The following ZMYND12 variants were observed in gnomAD, a reference collection of about 807,000 sequenced individuals.
The protein encoded by ZMYND12 is zinc finger MYND-type containing 12.
In ZMYND12, 32 loss-of-function variants were observed where a neutral mutation model predicts 41.7. The observed-to-expected ratio is 0.77, with a 90% CI of 0.58 to 1.03. The LOEUF (loss-of-function observed/expected upper bound fraction) is 1.03, where lower values mean the gene tolerates loss of function less well. Among genes scored for constraint, ZMYND12 ranks in the 50% least tolerant of loss-of-function variants. The pLI is 0.00. For missense variants in ZMYND12, 424 were observed against 438.5 expected, an observed-to-expected ratio of 0.97 and a Z score of 0.30; for synonymous variants, 148 against 164.8, an observed-to-expected ratio of 0.90 and a Z score of 0.78.
chr1:42,445,202 G>A (rs1643010652), intron 3 of ZMYND12, among the ~76,000 whole-genome samples: 1 of 151,690 alleles, frequency 6.6e-6, no homozygotes, highest in Non-Finnish European at 1.5e-5. Flanking sequence ...GAAGACTGAG[G>A]TGGGTGGATC....
At chr1:42,439,522 C>A (rs1296550115) in intron 4 of ZMYND12, among the ~76,000 whole-genome samples, 1 of 152,124 alleles carries the variant, frequency 6.6e-6, no homozygotes, top group Non-Finnish European at 1.5e-5. Flanking sequence ...CCTTGGCCTC[C>A]CAAAGTGCTG....
At chr1:42,437,660 ACAC>A (rs935535391) in intron 4 of ZMYND12, among the ~76,000 whole-genome samples, 2 of 149,844 alleles carry the variant, frequency 1.3e-5, no homozygotes, top group Non-Finnish European at 3.0e-5. Flanking sequence ...TGACAGGCAC[ACAC>A]CACCACACCT....
intron 7 of ZMYND12, 87 bp from the exon 8 acceptor site, chr1:42,430,945 TGA>T (rs1642842489): frequency 1.9e-6 from 3 of 1,560,584 alleles, no homozygotes; most frequent in Non-Finnish European, 2.6e-6. Flanking sequence ...TCCAGAAACA[TGA>T]GAGAGAACTG....
rs1236295847 is a variant in ZMYND12 at position 42,439,980 on chromosome 1, T to C, written c.470A>G (p.Gln157Arg). 1.9e-6 allele frequency: 3 copies of C among 1,613,672 alleles called. No homozygotes were observed. The African/African-American group carries it at 4.0e-5, about 22-fold the overall frequency. ...GTCAGTTGATTTGAGGACTGTCCAC[T>C]GGGCTTGGAATAGATATTCTTCAGC... is the stretch of plus-strand genomic sequence containing the variant. ...VQAEEYLFQAQWTVLKSTDCS... is the reference protein window; with the variant it reads ...VQAEEYLFQARWTVLKSTDCS... The change falls in exon 4 of 8, where the codon CAG (glutamine) becomes CGG (arginine). Residue 157 changes from glutamine (Q) to arginine (R), a missense_variant. Gln to Arg is a conservative substitution (Grantham distance 43, BLOSUM62 1). Coordinates refer to ENST00000372565, the MANE Select transcript of ZMYND12 (RefSeq NM_032257.5).
At chr1:42,442,565 C>T (rs1279466284) in intron 3 of ZMYND12, among the ~76,000 whole-genome samples, 3 of 152,112 alleles carry the variant, frequency 2.0e-5, no homozygotes, top group Non-Finnish European at 4.4e-5. Context: ...AAAGCCACTA[C>T]GTCAGTGTGC....
rs983635126 is a variant in ZMYND12, at chr1:42,430,499, T to C, written c.*237A>G. ...CATATTACTCAGTCATACAAAGTCA[T>C]GATAAATCAAGTACAAAGGTCATGA... On this transcript the variant is annotated 3_prime_UTR_variant, in exon 8 of 8. Transcript: ENST00000372565. 6.6e-6 allele frequency: 3 copies of C among 454,942 alleles called. No individual in the cohort carries two copies. Among genetic ancestry groups the C allele is most frequent in the Admixed American group, 6.6e-5 (2 of 30,126 alleles). 28.2% of individuals were successfully genotyped at this position (454,942 alleles called of 1,614,324 possible).
chr1:42,433,375 G>A, intron 6 of ZMYND12, 87 bp from the exon 7 acceptor site: 1 of 1,446,874 alleles, frequency 6.9e-7, no homozygotes. Context: ...AAAGCGCCTG[G>A]TCTGCTGAAG....
rs552247278 is a variant in ZMYND12, at chr1:42,452,624, AC to A, written c.111-2566del. Among the ~76,000 whole-genome samples the A allele has an allele frequency of 1.9e-3, 291 of 152,108 alleles. 4 individuals are homozygous for A. Among genetic ancestry groups the A allele is most frequent in the African/African-American group, 4.5e-3 (185 of 41,466 alleles). On this transcript the variant is annotated intron_variant, in intron 1 of 7. Transcript: ENST00000372565. ...AGGCTGAGGCAAGAGAATTGCTTGA[AC>A]CCGGGAGACAGAGGTTGCAGTGAGC...
chr1:42,452,352 A>G (rs1227488466), intron 1 of ZMYND12, among the ~76,000 whole-genome samples: 1 of 152,214 alleles, frequency 6.6e-6, no homozygotes, highest in African/African-American at 2.4e-5. Context: ...AATTCATGCA[A>G]ACCTATGGTA....
At chr1:42,449,061 A>C (rs1012968077) in intron 2 of ZMYND12, among the ~76,000 whole-genome samples, 1 of 152,214 alleles carries the variant, frequency 6.6e-6, no homozygotes, top group Non-Finnish European at 1.5e-5. Flanking sequence ...TGTTTAGCTA[A>C]TATCACAAAA....
At chr1:42,434,472 TAGGAATCGGGCTGCAC>T (rs1032797676) in intron 6 of ZMYND12, among the ~76,000 whole-genome samples, 8 of 151,990 alleles carry the variant, frequency 5.3e-5, no homozygotes, top group Non-Finnish European at 1.2e-4. Context: ...TGTGGCCTGT[TAGGAATCGGGCTGCAC>T]AGCAGGTGGT....
At position 42,453,622 on chromosome 1, in the gene ZMYND12, G is replaced by A. The variant is rs146523096; in HGVS notation, c.110+2266C>T. Among the ~76,000 whole-genome samples the A allele has an allele frequency of 2.3e-3, 344 of 152,298 alleles. 2 individuals carry two copies. The highest frequency in any genetic ancestry group is 7.9e-3 in the African/African-American group (327 of 41,560). ...TTCAGAGGAAGAAGGAATTACTTCC[G>A]GCTGGAGGGATACAGAGGACAGGGG... On this transcript the variant is annotated intron_variant, in intron 1 of 7. Coordinates refer to ENST00000372565, the MANE Select transcript of ZMYND12 (RefSeq NM_032257.5).
intron 3 of ZMYND12, among the ~76,000 whole-genome samples, chr1:42,446,647 G>T (rs1352896339): frequency 8.2e-6 from 1 of 122,114 alleles, no homozygotes; most frequent in Non-Finnish European, 1.8e-5. Context: ...GTGAGACTCG[G>T]TCTCAAAAAA....
At chr1:42,442,223 C>T (rs1281821841) in intron 3 of ZMYND12, among the ~76,000 whole-genome samples, 1 of 152,058 alleles carries the variant, frequency 6.6e-6, no homozygotes, top group Non-Finnish European at 1.5e-5. Context: ...TAGAAAGATC[C>T]TCTGGAACCA....
At chr1:42,453,493 C>T (rs1643108756) in intron 1 of ZMYND12, among the ~76,000 whole-genome samples, 2 of 152,154 alleles carry the variant, frequency 1.3e-5, no homozygotes, top group African/African-American at 4.8e-5. Flanking sequence ...GACATAGTAT[C>T]TAGCATTAAT....
intron 5 of ZMYND12, 101 bp from the exon 6 acceptor site, chr1:42,435,486 C>G: frequency 1.2e-6 from 1 of 869,290 alleles, no homozygotes; most frequent in Non-Finnish European, 1.9e-6. Flanking sequence ...TTCTGGACAA[C>G]CTGGAGGTTC....
intron 6 of ZMYND12, 101 bp downstream of exon 6, chr1:42,435,173 T>G (rs1001669048): frequency 2.3e-5 from 20 of 863,060 alleles, no homozygotes; most frequent in Middle Eastern, 2.3e-4. Context: ...GGCAATGGTG[T>G]GCTTCATGAC....
intron 1 of ZMYND12, 66 bp from the exon 2 acceptor site, chr1:42,450,125 C>T (rs1280070835): frequency 6.4e-7 from 1 of 1,571,818 alleles, no homozygotes; most frequent in African/African-American, 1.3e-5. Flanking sequence ...CATTAACCCT[C>T]CTACTGGCCT....
intron 4 of ZMYND12, among the ~76,000 whole-genome samples, chr1:42,439,466 A>G (rs530608439): frequency 5.9e-5 from 9 of 152,184 alleles, no homozygotes; most frequent in African/African-American, 2.2e-4. Context: ...GGGTTTCACC[A>G]TGTTGGCCAG....
Sources: allele counts gnomAD v4.1 joint callset (sites outside exome capture counted in the v4.1 genomes callset), GRCh38; gene constraint gnomAD v4.1.1; transcripts MANE v1.5; gene names NCBI Gene and HGNC (gene_info 2026-07-23, HGNC 2026-07-21).